The following GRIN1 variants were observed in gnomAD, a reference collection of about 807,000 sequenced individuals.
GRIN1 encodes glutamate receptor ionotropic, NMDA 1.
A neutral mutation model predicts 103.0 loss-of-function variants in GRIN1; 38 were observed. The ratio of observed to expected loss-of-function variants is 0.37; its 90% CI spans 0.28 to 0.48. The LOEUF is 0.48. GRIN1 is among the 20% of genes least tolerant of loss of function. The pLI, the probability that GRIN1 is intolerant of heterozygous loss-of-function variation, is 0.98. For synonymous variants in GRIN1, 544 were observed against 532.7 expected, an observed-to-expected ratio of 1.02 and a Z score of -0.29; for missense variants, 577 against 1,288.9, an observed-to-expected ratio of 0.45 and a Z score of 8.46.
intron 8 of GRIN1, among the ~76,000 whole-genome samples, chr9:137,159,245 A>C (rs950064161): frequency 2.6e-5 from 4 of 151,802 alleles, no homozygotes; most frequent in Admixed American, 2.6e-4. Flanking sequence ...TCTCCTGGCC[A>C]TTCCTCCCCG....
At chr9:137,156,584 G>GC in intron 4 of GRIN1, 85 bp from the exon 5 acceptor site, 1 of 1,534,390 alleles carries the variant, frequency 6.5e-7, no homozygotes, top group Non-Finnish European at 8.8e-7. Context: ...GCAGGTCCCT[G>GC]CTCCAGAGGA....
chr9:137,155,365 A>G (rs1833155161), intron 4 of GRIN1, among the ~76,000 whole-genome samples: 1 of 152,234 alleles, frequency 6.6e-6, no homozygotes, highest in Non-Finnish European at 1.5e-5. Context: ...CATTTGGGGC[A>G]CTGGGCCAGT....
Position 137,139,273 on chromosome 9 carries a change from A to G in GRIN1, c.-214A>G. 5.0e-6 allele frequency: 1 copy of G among 199,194 alleles called. No homozygotes were observed. Among genetic ancestry groups the G allele is most frequent in the Non-Finnish European group, 1.0e-5 (1 of 100,142 alleles). The allele number at this position is 199,194 out of a possible 1,614,324, so 12.3% of individuals were successfully genotyped here. On this transcript the variant is annotated 5_prime_UTR_variant, in exon 1 of 20. Transcript: ENST00000371561. This position sits in a 1 kb window ranked among gnomAD's most constrained non-coding sequence, Gnocchi z 7.7. ...GCCCGGCCCCGCTTCAGCACCGCGG[A>G]CAGCGCCGGCCGCGTGGGGCTGAGC...
chr9:137,142,220 G>T, intron 2 of GRIN1, 73 bp downstream of exon 2: 1 of 1,506,536 alleles, frequency 6.6e-7, no homozygotes. Context: ...CAGGAGCAGC[G>T]GGCCGACCCG....
Position 137,149,075 on chromosome 9 carries a change from G to T in GRIN1, c.637G>T (p.Glu213Ter). ...NVTALLMEAK[E>*]LEARVIILSA... ...GACGGCCCTGCTGATGGAGGCGAAA[G>T]AGCTGGAGGCCCGGGTCATCATCCT... is the stretch of plus-strand genomic sequence containing the variant. The change falls in exon 4 of 20, where the codon GAG becomes TAG. Residue 213 changes from glutamate (E) to a stop codon, truncating the protein, a stop_gained. Coordinates refer to ENST00000371561, the MANE Select transcript of GRIN1 (RefSeq NM_007327.4). LOFTEE classifies it high-confidence loss of function. 6.2e-7 allele frequency: 1 copy of T among 1,613,216 alleles called. No individual in the cohort carries two copies. Among genetic ancestry groups the T allele is most frequent in the Non-Finnish European group, 8.5e-7 (1 of 1,179,478 alleles).
At position 137,167,617 on chromosome 9, in the gene GRIN1, G is replaced by A; in HGVS notation, c.*90G>A. ...GGCCCGGCCCACGCAGAGCCCCGGA[G>A]CACCACGGGGTCGGGGGAGGAGCAC... On this transcript the variant is annotated 3_prime_UTR_variant, in exon 20 of 20. Transcript: ENST00000371561. 3.3e-6 allele frequency: 5 copies of A among 1,520,706 alleles called. No individual in the cohort carries two copies. The highest frequency in any genetic ancestry group is 2.1e-5 in the Admixed American group (1 of 48,476). The allele number at this position is 1,520,706 out of a possible 1,614,324, so 94.2% of individuals were successfully genotyped here.
At chr9:137,148,376 G>C (rs1017264127) in intron 3 of GRIN1, among the ~76,000 whole-genome samples, 1 of 152,202 alleles carries the variant, frequency 6.6e-6, no homozygotes, top group Non-Finnish European at 1.5e-5. Flanking sequence ...GAGAGGGCAG[G>C]CGTGGCGGCG....
In GRIN1 at chr9:137,139,998, T is replaced by G. The variant is rs1029730939; in HGVS notation, c.258+254T>G. 7.9e-5 allele frequency among the ~76,000 whole-genome samples: 12 copies of G among 152,100 alleles called. No homozygotes were observed. Among genetic ancestry groups the G allele is most frequent in the African/African-American group, 2.7e-4 (11 of 41,414 alleles). ...AGAGGGCCCCTGGGGCTCCAGGCCCTGACTGGTGTGTGTAGACGTGGGGCT... is the reference window on the plus strand; with the variant it reads ...AGAGGGCCCCTGGGGCTCCAGGCCCGGACTGGTGTGTGTAGACGTGGGGCT... On this transcript the variant is annotated intron_variant, in intron 1 of 19. Coordinates refer to ENST00000371561, the MANE Select transcript of GRIN1 (RefSeq NM_007327.4). This position sits in a 1 kb window ranked among gnomAD's most constrained non-coding sequence, Gnocchi z 7.7.
rs932956894 is a variant in GRIN1, at chr9:137,161,051, C to G, written c.1198-5C>G. On this transcript the variant is annotated splice_region_variant and splice_polypyrimidine_tract_variant and intron_variant, in intron 8 of 19. Coordinates refer to ENST00000371561, the MANE Select transcript of GRIN1 (RefSeq NM_007327.4). Reference sequence around the variant, plus strand: ...GTCCAGGCTGGGTCTCCCCTTCCCCCCCAGATTGTGACGATCCACCAGGAG... The same window carrying G: ...GTCCAGGCTGGGTCTCCCCTTCCCCGCCAGATTGTGACGATCCACCAGGAG... 5 of 1,612,628 alleles carry G rather than the reference C, an allele frequency of 3.1e-6. No homozygotes were observed. In the African/African-American group the frequency reaches 6.7e-5, roughly 22 times the overall value.
At position 137,162,105 on chromosome 9, in the gene GRIN1, TGGC is replaced by T. The variant is rs1348892089; in HGVS notation, c.1632+20_1632+22del. The T allele has an allele frequency of 3.5e-6, 1 of 287,234 alleles. No individual in the cohort carries two copies. The highest frequency in any genetic ancestry group is 3.7e-5 in the African/African-American group (1 of 27,328). 17.8% of individuals were successfully genotyped at this position (287,234 alleles called of 1,614,324 possible). A position where few individuals can be genotyped will look rare whatever the true frequency, so the allele number is the denominator to read the frequency against. On this transcript the variant is annotated intron_variant, in intron 11 of 19. Coordinates refer to ENST00000371561, the MANE Select transcript of GRIN1 (RefSeq NM_007327.4). Reference sequence around the variant, plus strand: ...GTCAAGAAGGTGGGCAGGGGCCGGGTGGCGGGGTGGCGGCGGGGGGAGTCCCTG... The same window carrying T: ...GTCAAGAAGGTGGGCAGGGGCCGGGTGGGGTGGCGGCGGGGGGAGTCCCTG...
intron 19 of GRIN1, among the ~76,000 whole-genome samples, chr9:137,167,031 C>G (rs1052042144): frequency 1.3e-5 from 2 of 152,212 alleles, no homozygotes; most frequent in African/African-American, 4.8e-5. Context: ...ATGGTGCCCT[C>G]CCAGGGACAT....
intron 8 of GRIN1, among the ~76,000 whole-genome samples, chr9:137,159,822 G>C (rs112435450): frequency 2.0e-5 from 3 of 152,198 alleles, no homozygotes; most frequent in Non-Finnish European, 4.4e-5. Context: ...GAGGGTGGGC[G>C]GGCCTGCCCC....
At chr9:137,150,637 AG>A (rs1832801903) in intron 4 of GRIN1, among the ~76,000 whole-genome samples, 2 of 138,768 alleles carry the variant, frequency 1.4e-5, no homozygotes. Context: ...AGCCCCGCCC[AG>A]AAAAAAGACC....
intron 8 of GRIN1, among the ~76,000 whole-genome samples, chr9:137,159,974 G>C (rs568790354): frequency 6.6e-6 from 1 of 152,256 alleles, no homozygotes; most frequent in East Asian, 1.9e-4. Flanking sequence ...TGCCCACCTT[G>C]AGGGCTCAGC....
At chr9:137,156,014 T>A (rs549455626) in intron 4 of GRIN1, among the ~76,000 whole-genome samples, 1 of 152,308 alleles carries the variant, frequency 6.6e-6, no homozygotes, top group South Asian at 2.1e-4. Flanking sequence ...ATTTCACATG[T>A]TTGAACATAG....
intron 4 of GRIN1, among the ~76,000 whole-genome samples, chr9:137,156,068 G>C (rs1389738486): frequency 6.6e-6 from 1 of 152,202 alleles, no homozygotes; most frequent in Admixed American, 6.5e-5. Flanking sequence ...TTAGGAGCTC[G>C]GGTCCTGACT....
Position 137,139,481 on chromosome 9 carries a change from G to T in GRIN1, c.-6G>T. The T allele has an allele frequency of 6.4e-7, 1 of 1,570,620 alleles. No individual in the cohort carries two copies. The highest frequency in any genetic ancestry group is 8.6e-7 in the Non-Finnish European group (1 of 1,157,680). On this transcript the variant is annotated 5_prime_UTR_variant, in exon 1 of 20. Transcript: ENST00000371561. This position sits in a 1 kb window ranked among gnomAD's most constrained non-coding sequence, Gnocchi z 7.7. ...CCGCGCAGAGCCAGGCCCGCGGCCC[G>T]AGCCCATGAGCACCATGCGCCTGCT...
intron 4 of GRIN1, among the ~76,000 whole-genome samples, chr9:137,153,700 C>T (rs985840684): frequency 1.1e-4 from 17 of 152,142 alleles, no homozygotes; most frequent in African/African-American, 3.9e-4. Flanking sequence ...AACACACATG[C>T]GCACCACACA....
intron 3 of GRIN1, chr9:137,148,343 AGCAGGCAGGAGAGG>A (rs983387698): frequency 4.2e-5 from 27 of 648,458 alleles, no homozygotes; most frequent in South Asian, 9.1e-5. Context: ...GGCAGCCGGC[AGCAGGCAGGAGAGG>A]GCAGGCAGGA....
Sources: gnomAD v4.1 joint callset for allele counts (sites outside exome capture counted in the v4.1 genomes callset) on GRCh38, gnomAD v4.1.1 for gene constraint, Gnocchi (gnomAD v3.1) non-coding constraint, MANE v1.5 for transcripts, NCBI Gene and HGNC (gene_info 2026-07-23, HGNC 2026-07-21) for gene names.